Variants in MEI4 observed in about 807,000 individuals in gnomAD.
MEI4 encodes meiotic double-stranded break formation protein 4.
A neutral mutation model predicts 31.4 loss-of-function variants in MEI4; 27 were observed. The ratio of observed to expected loss-of-function variants is 0.86; its 90% confidence interval spans 0.63 to 1.19. The LOEUF is 1.19. MEI4 is among the 50% of genes most tolerant of loss of function. The pLI is 0.00. For missense variants in MEI4, 329 were observed against 398.9 expected (o/e 0.82, Z 1.49); for synonymous variants, 122 against 145.4 (o/e 0.84, Z 1.16).
At chr6:77,799,303 G>A (rs1769177298) in intron 3 of MEI4, among the ~76,000 whole-genome samples, 1 of 152,188 alleles carries the variant, frequency 6.6e-6, no homozygotes, top group Admixed American at 6.5e-5. Flanking sequence ...TTTGAGAAGT[G>A]TCTGTTCATG....
At chr6:77,694,839 C>CTGACTTCCACAATGG (rs1482258353) in intron 2 of MEI4, among the ~76,000 whole-genome samples, 1 of 151,472 alleles carries the variant, frequency 6.6e-6, no homozygotes, top group African/African-American at 2.4e-5. Flanking sequence ...AATCGCCACA[C>CTGACTTCCACAATGG]TGACTTCCAC....
At chr6:77,655,422 GAGA>G (rs1180019685) in intron 1 of MEI4, among the ~76,000 whole-genome samples, 1 of 152,144 alleles carries the variant, frequency 6.6e-6, no homozygotes, top group East Asian at 1.9e-4. Flanking sequence ...CAATAAATAT[GAGA>G]AGAACCAACA....
rs540314969 is a variant in MEI4, at chr6:77,765,415, T to A, written c.768+3750T>A. Among the ~76,000 whole-genome samples, 251 of 151,908 alleles carry A rather than the reference T, an allele frequency of 1.7e-3. 8 individuals are homozygous for A. The highest frequency in any genetic ancestry group is 5.3e-3 in the African/African-American group (217 of 41,262). On this transcript the variant is annotated intron_variant, in intron 3 of 4. Transcript: ENST00000684080. Reference sequence around the variant, plus strand: ...ACCATCAGCTGATTTTATTTTTTTTTAAATTTTATTATTATTATACTTTAA... The same window carrying A: ...ACCATCAGCTGATTTTATTTTTTTTAAAATTTTATTATTATTATACTTTAA...
At chr6:77,659,649 C>G (rs1429610830) in intron 1 of MEI4, among the ~76,000 whole-genome samples, 1 of 152,000 alleles carries the variant, frequency 6.6e-6, no homozygotes, top group African/African-American at 2.4e-5. Context: ...GGGAAGGTAG[C>G]CAAGGATGGA....
chr6:77,831,300 T>C (rs1770072522), intron 4 of MEI4, among the ~76,000 whole-genome samples: 1 of 151,898 alleles, frequency 6.6e-6, no homozygotes, highest in Admixed American at 6.6e-5. Flanking sequence ...AGACTGTTGG[T>C]AGGAATGTAA....
chr6:77,893,469 C>A (rs1482523389), intron 4 of MEI4, among the ~76,000 whole-genome samples: 1 of 152,214 alleles, frequency 6.6e-6, no homozygotes, highest in Non-Finnish European at 1.5e-5. Context: ...ACTACGGTAA[C>A]ACTTTGGACA....
At position 77,920,728 on chromosome 6, in the gene MEI4, C is replaced by G. The variant is rs112787951; in HGVS notation, c.901-2361C>G. The stretch of plus-strand genomic sequence containing the variant: ...AAAATTACTCTTGAGCCATGGGCTG[C>G]AAAATAGATGTGTTTGTAGACATTA... On this transcript the variant is annotated intron_variant, in intron 4 of 4. Transcript: ENST00000684080. 1.7e-3 allele frequency among the ~76,000 whole-genome samples: 261 copies of G among 151,924 alleles called. 2 individuals carry two copies. Among genetic ancestry groups the G allele is most frequent in the African/African-American group, 5.9e-3 (244 of 41,494 alleles).
intron 4 of MEI4, among the ~76,000 whole-genome samples, chr6:77,832,342 G>A (rs2127712362): frequency 6.6e-6 from 1 of 151,954 alleles, no homozygotes; most frequent in African/African-American, 2.4e-5. Context: ...GAAAATGATT[G>A]TGTATGTATA....
intron 4 of MEI4, among the ~76,000 whole-genome samples, chr6:77,902,282 G>A (rs1178561610): frequency 2.0e-5 from 3 of 151,936 alleles, no homozygotes; most frequent in Admixed American, 6.6e-5. Flanking sequence ...TATTGAATCT[G>A]TATATTATTT....
At chr6:77,766,324 G>A (rs932496758) in intron 3 of MEI4, among the ~76,000 whole-genome samples, 3 of 152,080 alleles carry the variant, frequency 2.0e-5, no homozygotes, top group Non-Finnish European at 2.9e-5. Context: ...TAGTACTGTC[G>A]TTTTTGCTTC....
intron 4 of MEI4, among the ~76,000 whole-genome samples, chr6:77,885,999 G>T (rs1043263378): frequency 1.3e-5 from 2 of 151,938 alleles, no homozygotes; most frequent in African/African-American, 4.8e-5. Flanking sequence ...TACATCTCTA[G>T]GATAAATCCC....
At chr6:77,844,412 A>G (rs987829427) in intron 4 of MEI4, among the ~76,000 whole-genome samples, 1 of 152,152 alleles carries the variant, frequency 6.6e-6, no homozygotes, top group Non-Finnish European at 1.5e-5. Context: ...TTAAGAACAT[A>G]ACAGAAGCCT....
chr6:77,772,742 T>C (rs1768348098), intron 3 of MEI4, among the ~76,000 whole-genome samples: 1 of 151,918 alleles, frequency 6.6e-6, no homozygotes, highest in Non-Finnish European at 1.5e-5. Flanking sequence ...TGCATTCAGA[T>C]TGGGAAGGAA....
At chr6:77,870,796 T>G (rs2127725245) in intron 4 of MEI4, among the ~76,000 whole-genome samples, 1 of 152,290 alleles carries the variant, frequency 6.6e-6, no homozygotes, top group East Asian at 1.9e-4. Context: ...AAGAAGCTTG[T>G]GTTTTGAATT....
chr6:77,844,298 G>T (rs548479946), intron 4 of MEI4, among the ~76,000 whole-genome samples: 1 of 152,112 alleles, frequency 6.6e-6, no homozygotes, highest in African/African-American at 2.4e-5. Context: ...TCGTCACAAA[G>T]CCGGTCCTAA....
At chr6:77,909,707 A>G (rs1489524796) in intron 4 of MEI4, among the ~76,000 whole-genome samples, 2 of 152,198 alleles carry the variant, frequency 1.3e-5, no homozygotes, top group Non-Finnish European at 2.9e-5. Context: ...AACTCATTTC[A>G]TGAGGCCAGC....
chr6:77,874,707 G>A (rs1482236720), intron 4 of MEI4, among the ~76,000 whole-genome samples: 1 of 152,074 alleles, frequency 6.6e-6, no homozygotes, highest in African/African-American at 2.4e-5. Context: ...AATGCTTCCA[G>A]TTTTTGCCCA....
intron 2 of MEI4, among the ~76,000 whole-genome samples, chr6:77,714,330 C>G (rs535336140): frequency 8.1e-4 from 123 of 151,990 alleles, no homozygotes; most frequent in African/African-American, 2.9e-3. Context: ...TGACTCTGAA[C>G]TATTTTTATT....
chr6:77,813,240 G>T (rs1445872984), intron 3 of MEI4, among the ~76,000 whole-genome samples: 2 of 151,918 alleles, frequency 1.3e-5, no homozygotes, highest in Non-Finnish European at 2.9e-5. Context: ...TTGCTTTATT[G>T]CTTAGTAGTT....
Sources: allele counts gnomAD v4.1 joint callset (sites outside exome capture counted in the v4.1 genomes callset), GRCh38; gene constraint gnomAD v4.1.1; transcripts MANE v1.5; gene names NCBI Gene and HGNC (gene_info 2026-07-23, HGNC 2026-07-21).